MYO16: variants seen among roughly 807,000 people sequenced by gnomAD.
MYO16 encodes the protein myosin XVI.
MYO16 carries 94 observed loss-of-function variants against 205.3 expected under a neutral mutation model. The observed-to-expected ratio is 0.46, with a 90% CI of 0.39 to 0.54. The LOEUF (loss-of-function observed/expected upper bound fraction) is 0.54. MYO16 is among the 20% of genes least tolerant of loss of function. MYO16 has a pLI of 0.00. For missense variants in MYO16, 2,315 were observed against 2,387.5 expected (o/e 0.97, Z 0.63); for synonymous variants, 988 against 954.0 (o/e 1.04, Z -0.66).
At chr13:108,511,398 G>A in the MYO16 span, among the ~76,000 whole-genome samples, 235 of 18,954 alleles carry the variant, frequency 0.012, 6 homozygotes, top group Admixed American at 0.02. Context: ...AGTAGGTTGC[G>A]AAAATTTTCT....
At chr13:108,543,597 G>A in the MYO16 span, among the ~76,000 whole-genome samples, 2 of 144,504 alleles carry the variant, frequency 1.4e-5, no homozygotes, top group African/African-American at 5.2e-5. Context: ...AACCGAGATT[G>A]TGCCACTGCA....
Position 108,685,102 on chromosome 13 carries a change from A to C in MYO16, c.292+18953A>C, listed in dbSNP as rs201838997. Among the ~76,000 whole-genome samples the C allele has an allele frequency of 1.4e-4, 21 of 150,072 alleles. No individual in the cohort carries two copies. In the East Asian group the frequency reaches 4.1e-3, roughly 30 times the overall value. ...CAGTGACACGATCTCGGCTCACTGC[A>C]ACCTCCACCTTCCGGGTTCAAGCCA... On this transcript the variant is annotated intron_variant, in intron 2 of 34. Transcript: ENST00000457511.
chr13:109,098,955 C>T (rs1888866056), intron 27 of MYO16, among the ~76,000 whole-genome samples: 1 of 152,138 alleles, frequency 6.6e-6, no homozygotes, highest in Admixed American at 6.5e-5. Context: ...TTTCACCATT[C>T]CAATTTTCTT....
chr13:108,859,973 G>A (rs1424175160), intron 11 of MYO16, among the ~76,000 whole-genome samples: 1 of 151,744 alleles, frequency 6.6e-6, no homozygotes, highest in Non-Finnish European at 1.5e-5. Flanking sequence ...CACTTAACAT[G>A]CCACTCCGGG....
intron 34 of MYO16, among the ~76,000 whole-genome samples, chr13:109,187,421 A>AT (rs1879731401): frequency 6.6e-6 from 1 of 151,630 alleles, no homozygotes; most frequent in Admixed American, 6.6e-5. Flanking sequence ...TTTGGGCTTA[A>AT]TTTTCTCTAT....
At chr13:108,890,996 GT>G (rs1449608089) in intron 14 of MYO16, among the ~76,000 whole-genome samples, 3 of 152,198 alleles carry the variant, frequency 2.0e-5, no homozygotes, top group Admixed American at 2.0e-4. Context: ...GGGCTACCCA[GT>G]GCCTGTCCCT....
the MYO16 span, among the ~76,000 whole-genome samples, chr13:108,508,713 G>T: frequency 2.6e-5 from 4 of 152,060 alleles, no homozygotes; most frequent in Non-Finnish European, 4.4e-5. Context: ...AGGGAGGGAC[G>T]GTAGAATGTA....
At chr13:108,536,420 A>G in the MYO16 span, among the ~76,000 whole-genome samples, 1 of 151,346 alleles carries the variant, frequency 6.6e-6, no homozygotes, top group South Asian at 2.1e-4. Flanking sequence ...TTAAGTTATG[A>G]AATACATGGA....
At chr13:108,519,784 A>G in the MYO16 span, among the ~76,000 whole-genome samples, 1 of 152,184 alleles carries the variant, frequency 6.6e-6, no homozygotes, top group East Asian at 1.9e-4. Flanking sequence ...GTCAAAGTAA[A>G]TGTACCCGGG....
intron 20 of MYO16, among the ~76,000 whole-genome samples, chr13:108,980,420 C>T (rs937171711): frequency 6.6e-6 from 1 of 152,020 alleles, no homozygotes; most frequent in African/African-American, 2.4e-5. Flanking sequence ...TAGAGTTAGC[C>T]GAATCTTTGT....
At chr13:108,975,371 A>G (rs1052247484) in intron 20 of MYO16, among the ~76,000 whole-genome samples, 1 of 152,136 alleles carries the variant, frequency 6.6e-6, no homozygotes, top group Non-Finnish European at 1.5e-5. Flanking sequence ...TTTTTATAAA[A>G]TAAATCAGAT....
chr13:108,997,564 C>T (rs925076242), intron 21 of MYO16, among the ~76,000 whole-genome samples: 1 of 151,866 alleles, frequency 6.6e-6, no homozygotes, highest in African/African-American at 2.4e-5. Context: ...ATAGGCCGGG[C>T]CCAGTGGCTC....
At chr13:108,684,503 T>A (rs1191555528) in intron 2 of MYO16, among the ~76,000 whole-genome samples, 2 of 152,160 alleles carry the variant, frequency 1.3e-5, no homozygotes, top group African/African-American at 4.8e-5. Context: ...TGTGGATCTG[T>A]ATATATATTT....
At chr13:108,642,542 C>T (rs545446306) in intron 1 of MYO16, among the ~76,000 whole-genome samples, 38 of 152,162 alleles carry the variant, frequency 2.5e-4, no homozygotes, top group African/African-American at 8.9e-4. Flanking sequence ...CTCAGCCTCC[C>T]GAGTAGCTGA....
At chr13:108,905,956 C>T (rs1050625793) in intron 15 of MYO16, among the ~76,000 whole-genome samples, 1 of 152,110 alleles carries the variant, frequency 6.6e-6, no homozygotes, top group African/African-American at 2.4e-5. Flanking sequence ...CTCTGTAGTC[C>T]TTACGAGCCA....
chr13:108,626,023 G>C (rs1005618417), upstream of MYO16, among the ~76,000 whole-genome samples: 1 of 152,112 alleles, frequency 6.6e-6, no homozygotes. Context: ...CATTTTAAAA[G>C]ATATTTACTA....
intron 31 of MYO16, among the ~76,000 whole-genome samples, chr13:109,133,480 A>C: frequency 6.6e-6 from 1 of 152,240 alleles, no homozygotes; most frequent in East Asian, 1.9e-4. Flanking sequence ...CTTAGCAAAA[A>C]TACCAAATGG....
At chr13:109,135,077 T>C (rs563777021) in intron 31 of MYO16, among the ~76,000 whole-genome samples, 1 of 152,222 alleles carries the variant, frequency 6.6e-6, no homozygotes, top group South Asian at 2.1e-4. Context: ...CTCAAGTGTG[T>C]CCTCTTCTAA....
intron 7 of MYO16, among the ~76,000 whole-genome samples, chr13:108,814,469 A>G (rs781622017): frequency 6.6e-6 from 1 of 151,222 alleles, no homozygotes; most frequent in African/African-American, 2.4e-5. Flanking sequence ...CTGACATATG[A>G]TATAAAAGCA....
Sources: gnomAD v4.1 joint callset for allele counts (sites outside exome capture counted in the v4.1 genomes callset) on GRCh38, gnomAD v4.1.1 for gene constraint, MANE v1.5 for transcripts, NCBI Gene and HGNC (gene_info 2026-07-23, HGNC 2026-07-21) for gene names.